RALGAPA2: variants seen among roughly 807,000 people sequenced by gnomAD.
The protein encoded by RALGAPA2 is Ral GTPase activating protein catalytic subunit alpha 2.
RALGAPA2 carries 139 observed loss-of-function variants against 230.4 expected under a neutral mutation model. That is an observed-to-expected ratio of 0.60 (90% CI 0.53 to 0.69). RALGAPA2 has a LOEUF of 0.69. Ranked by LOEUF, RALGAPA2 falls within the 30% of genes least tolerant of loss-of-function variation. The probability of loss-of-function intolerance (pLI) is 0.00; values close to 1 mark genes in which losing one functional copy is unlikely to be tolerated. For synonymous variants in RALGAPA2, 847 were observed against 837.8 expected, an observed-to-expected ratio of 1.01 and a Z score of -0.19; for missense variants, 2,163 against 2,276.0, an observed-to-expected ratio of 0.95 and a Z score of 1.01.
intron 3 of RALGAPA2, among the ~76,000 whole-genome samples, chr20:20,657,110 C>A (rs745877930): frequency 3.9e-5 from 6 of 152,096 alleles, no homozygotes; most frequent in Non-Finnish European, 7.4e-5. Context: ...AAACATGCTG[C>A]AATGGAGGAG....
In RALGAPA2 at chr20:20,698,422, G is replaced by A. The variant is rs181164541; in HGVS notation, c.106+13953C>T. Among the ~76,000 whole-genome samples, 755 of 151,932 alleles carry A rather than the reference G, an allele frequency of 5.0e-3. 5 individuals are homozygous for A. Among genetic ancestry groups the A allele is most frequent in the African/African-American group, 0.017 (717 of 41,444 alleles). ...TTTGTTTTGTTTGAGATGGAGTCTC[G>A]CTCTGTCACCAGACTGGAGTGTGGT... is the stretch of plus-strand genomic sequence containing the variant. On this transcript the variant is annotated intron_variant, in intron 1 of 39. Coordinates refer to ENST00000202677, the MANE Select transcript of RALGAPA2 (RefSeq NM_020343.4).
chr20:20,455,367 C>T (rs1035514373), intron 37 of RALGAPA2, among the ~76,000 whole-genome samples: 1 of 152,242 alleles, frequency 6.6e-6, no homozygotes, highest in Non-Finnish European at 1.5e-5. Flanking sequence ...TTCACATCAC[C>T]CATGAGTTAC....
intron 36 of RALGAPA2, among the ~76,000 whole-genome samples, chr20:20,490,886 ACACACACACT>A (rs1219412545): frequency 4.0e-5 from 6 of 151,398 alleles, no homozygotes; most frequent in Admixed American, 1.3e-4. Flanking sequence ...ACACACACAC[ACACACACACT>A]CACACTCACT....
At position 20,629,402 on chromosome 20, in the gene RALGAPA2, T is replaced by C; in HGVS notation, c.1194A>G (p.Thr398=). 2 of 1,612,306 alleles carry C rather than the reference T, an allele frequency of 1.2e-6. No individual in the cohort carries two copies. The highest frequency in any genetic ancestry group is 1.7e-6 in the Non-Finnish European group (2 of 1,179,332). ...YEMVQRILLS[T]RGYVNFVNEV... is the part of the protein sequence containing the mutation. ...CATTCACGAAGTTGACATAACCTCG[T>C]GTTGACAAGAGAATCCGCTGTACCA... is the stretch of plus-strand genomic sequence containing the variant. The change falls in exon 10 of 40, where the codon ACA becomes ACG. Residue 398 remains threonine (T), a synonymous_variant. Transcript: ENST00000202677.
chr20:20,400,172 A>C (rs2059802526), intron 38 of RALGAPA2, among the ~76,000 whole-genome samples: 1 of 152,194 alleles, frequency 6.6e-6, no homozygotes. Context: ...CACACTCAAC[A>C]CTGGCAACCC....
chr20:20,655,303 A>T (rs2067549922), intron 3 of RALGAPA2, among the ~76,000 whole-genome samples: 1 of 152,014 alleles, frequency 6.6e-6, no homozygotes, highest in Admixed American at 6.5e-5. Context: ...TAAAGAAAAG[A>T]ATATCAGTTA....
At chr20:20,467,278 A>G (rs2061439264) in intron 37 of RALGAPA2, among the ~76,000 whole-genome samples, 1 of 152,236 alleles carries the variant, frequency 6.6e-6, no homozygotes, top group Admixed American at 6.5e-5. Flanking sequence ...GTAATCTTAT[A>G]AAACACACAG....
intron 20 of RALGAPA2, among the ~76,000 whole-genome samples, chr20:20,573,853 T>G (rs1401952575): frequency 1.3e-5 from 2 of 152,246 alleles, no homozygotes; most frequent in Non-Finnish European, 2.9e-5. Flanking sequence ...ATATTTAGAT[T>G]TGTTCCTGTT....
At position 20,546,736 on chromosome 20, in the gene RALGAPA2, C is replaced by A; in HGVS notation, c.3253G>T (p.Ala1085Ser). 1 of 1,610,516 alleles carries A rather than the reference C, an allele frequency of 6.2e-7. No homozygotes were observed. The highest frequency in any genetic ancestry group is 8.5e-7 in the Non-Finnish European group (1 of 1,178,774). Reference protein sequence around the residue: ...SMLVGDFITAAARVLSTDILT... With the variant: ...SMLVGDFITASARVLSTDILT... ...ATGTCTGTGCTAAGGACCCTGGCAGCGGCCGTGATGAAGTCCCCCACCAGC... is the reference window on the plus strand; with the variant it reads ...ATGTCTGTGCTAAGGACCCTGGCAGAGGCCGTGATGAAGTCCCCCACCAGC... The change falls in exon 24 of 40, where the codon GCT (alanine) becomes TCT (serine). Residue 1085 changes from alanine (A) to serine (S), a missense_variant. Transcript: ENST00000202677.
At chr20:20,626,109 T>C (rs2066482729) in intron 10 of RALGAPA2, among the ~76,000 whole-genome samples, 2 of 152,240 alleles carry the variant, frequency 1.3e-5, no homozygotes, top group South Asian at 4.1e-4. Context: ...CCACTGAGAA[T>C]GTGCACTTCT....
At position 20,510,364 on chromosome 20, in the gene RALGAPA2, A is replaced by C. The variant is rs545834499; in HGVS notation, c.4928+890T>G. Reference sequence around the variant, plus strand: ...TGTACCACCCTTTAAAAACATATAGATCAAAACAGATTTGAAAATTTTTGA... The same window carrying C: ...TGTACCACCCTTTAAAAACATATAGCTCAAAACAGATTTGAAAATTTTTGA... On this transcript the variant is annotated intron_variant, in intron 33 of 39. Transcript: ENST00000202677. 4.6e-5 allele frequency among the ~76,000 whole-genome samples: 7 copies of C among 152,358 alleles called. No homozygotes were observed. In the East Asian group the frequency reaches 1.3e-3, roughly 29 times the overall value.
intron 2 of RALGAPA2, 136 bp from the exon 3 acceptor site, chr20:20,676,424 TG>T: frequency 1.8e-6 from 1 of 549,946 alleles, no homozygotes; most frequent in Non-Finnish European, 3.1e-6. Context: ...AGAGGCAGTA[TG>T]GAGAACACAT....
Position 20,512,698 on chromosome 20 carries a change from C to T in RALGAPA2, c.4671G>A (p.Glu1557=), listed in dbSNP as rs1214036092. 6.2e-7 allele frequency: 1 copy of T among 1,613,984 alleles called. No homozygotes were observed. Among genetic ancestry groups the T allele is most frequent in the Admixed American group, 1.7e-5 (1 of 60,026 alleles). The change falls in exon 32 of 40, where the codon GAG becomes GAA. Residue 1557 remains glutamate (E), a synonymous_variant. Transcript: ENST00000202677. ...LTPCGMNYDQ[E]KEIIEVILRQ... ...GCAAAATGACCTCAATGATTTCCTTCTCTTGGTCATAGTTCATGCCACATG... is the reference window on the plus strand; with the variant it reads ...GCAAAATGACCTCAATGATTTCCTTTTCTTGGTCATAGTTCATGCCACATG...
At chr20:20,617,143 C>G (rs2066170683) in intron 12 of RALGAPA2, among the ~76,000 whole-genome samples, 1 of 152,200 alleles carries the variant, frequency 6.6e-6, no homozygotes, top group South Asian at 2.1e-4. Flanking sequence ...CTTAGGTCTC[C>G]TTTGTGTTCA....
At position 20,531,649 on chromosome 20, in the gene RALGAPA2, T is replaced by A. The variant is rs768805263; in HGVS notation, c.3582+38A>T. 6 of 1,459,092 alleles carry A rather than the reference T, an allele frequency of 4.1e-6. No individual in the cohort carries two copies. The East Asian group carries it at 1.4e-4, about 34-fold the overall frequency. The allele number at this position is 1,459,092 out of a possible 1,614,324, so 90.4% of individuals were successfully genotyped here. On this transcript the variant is annotated intron_variant, in intron 27 of 39. Transcript: ENST00000202677. ...CTCAAACTGTTAAATGCCTCAGATA[T>A]GGCTTAATATCCAATCAGCACCACA...
At chr20:20,697,396 T>C (rs924326250) in intron 1 of RALGAPA2, among the ~76,000 whole-genome samples, 1 of 152,122 alleles carries the variant, frequency 6.6e-6, no homozygotes, top group Non-Finnish European at 1.5e-5. Flanking sequence ...TAATCTTAAA[T>C]AGAATTTACA....
At chr20:20,483,224 A>G (rs1602503297) in intron 36 of RALGAPA2, among the ~76,000 whole-genome samples, 1 of 152,360 alleles carries the variant, frequency 6.6e-6, no homozygotes, top group East Asian at 1.9e-4. Flanking sequence ...ACTGCCCATC[A>G]AAGAATGATG....
At chr20:20,621,217 A>T (rs2146350999) in intron 10 of RALGAPA2, among the ~76,000 whole-genome samples, 1 of 152,318 alleles carries the variant, frequency 6.6e-6, no homozygotes, top group South Asian at 2.1e-4. Flanking sequence ...AACCAAATCA[A>T]ATCATATCTA....
intron 37 of RALGAPA2, among the ~76,000 whole-genome samples, chr20:20,458,508 A>T (rs1457685299): frequency 7.2e-6 from 1 of 138,326 alleles, no homozygotes; most frequent in Non-Finnish European, 1.5e-5. Context: ...ATTATATATA[A>T]TATATATGTA....
Sources: gnomAD v4.1 joint callset for allele counts (sites outside exome capture counted in the v4.1 genomes callset) on GRCh38, gnomAD v4.1.1 for gene constraint, MANE v1.5 for transcripts, NCBI Gene and HGNC (gene_info 2026-07-23, HGNC 2026-07-21) for gene names.